The following CCDC148 variants were observed in gnomAD, a reference collection of about 807,000 sequenced individuals.
CCDC148 encodes coiled-coil domain containing 148.
Under a neutral mutation model 85.7 loss-of-function variants are expected in CCDC148, and 89 were observed. The ratio of observed to expected loss-of-function variants is 1.04; its 90% CI spans 0.87 to 1.24. CCDC148 has a LOEUF of 1.24. Among genes scored for constraint, CCDC148 ranks in the 50% most tolerant of loss-of-function variants. The pLI is 0.00. For missense variants in CCDC148, 692 were observed against 671.7 expected, an observed-to-expected ratio of 1.03 and a Z score of -0.33; for synonymous variants, 230 against 213.9, an observed-to-expected ratio of 1.08 and a Z score of -0.66.
At chr2:158,306,452 G>T (rs1184540073) in intron 9 of CCDC148, among the ~76,000 whole-genome samples, 2 of 152,046 alleles carry the variant, frequency 1.3e-5, no homozygotes, top group Non-Finnish European at 2.9e-5. Flanking sequence ...TGATAGACTG[G>T]ATTAAGAAAA....
At chr2:158,260,305 TC>T (rs1228375184) in intron 9 of CCDC148, among the ~76,000 whole-genome samples, 1 of 152,022 alleles carries the variant, frequency 6.6e-6, no homozygotes, top group African/African-American at 2.4e-5. Context: ...TCAATAAAAT[TC>T]AACATCCCTT....
intron 3 of CCDC148, 100 bp downstream of exon 3, chr2:158,345,115 T>C (rs910475769): frequency 6.7e-6 from 5 of 743,058 alleles, no homozygotes; most frequent in East Asian, 3.0e-5. Context: ...AAATTTTTAT[T>C]ATAATGGTTA....
At chr2:158,395,994 G>GT (rs145011747) in intron 1 of CCDC148, among the ~76,000 whole-genome samples, 4,804 of 152,156 alleles carry the variant, frequency 0.032, 108 homozygotes, top group African/African-American at 0.059. Context: ...TAAAGCAATT[G>GT]TTGATGGAAT....
intron 7 of CCDC148, among the ~76,000 whole-genome samples, chr2:158,317,434 C>T (rs1692332155): frequency 6.6e-6 from 1 of 152,140 alleles, no homozygotes; most frequent in African/African-American, 2.4e-5. Context: ...CCCTGCCCCA[C>T]AATATAGTAT....
At position 158,338,815 on chromosome 2, in the gene CCDC148, T is replaced by C; in HGVS notation, c.675A>G (p.Lys225=). ...TATAGAACTCACTGAGAATTGAAGA[T>C]TTCAAATCAGGGTATGGGCATTCCA... ...ESLECPYPDL[K]SSILSEFYKF... Residue 225 remains lysine, a synonymous_variant, in exon 7 of 14, where the codon AAA becomes AAG. Coordinates refer to ENST00000283233, the MANE Select transcript of CCDC148 (RefSeq NM_138803.4). The C allele has an allele frequency of 6.2e-7, 1 of 1,612,444 alleles. No individual in the cohort carries two copies.
At position 158,258,634 on chromosome 2, in the gene CCDC148, G is replaced by A. The variant is rs564902639; in HGVS notation, c.1111-7722C>T. On this transcript the variant is annotated intron_variant, in intron 9 of 13. Transcript: ENST00000283233. ...ACACTGCCTGTCCCTGACACTCCAT[G>A]TATCCAAGTTCTGTTGCCTATTACT... Among the ~76,000 whole-genome samples, 4 of 151,772 alleles carry A rather than the reference G, an allele frequency of 2.6e-5. No individual in the cohort carries two copies. The East Asian group carries it at 7.8e-4, about 30-fold the overall frequency.
chr2:158,185,863 T>A (rs1363706834), intron 11 of CCDC148, among the ~76,000 whole-genome samples: 1 of 152,052 alleles, frequency 6.6e-6, no homozygotes, highest in Non-Finnish European at 1.5e-5. Context: ...TATAGAGAAT[T>A]TAAAAATAAT....
At chr2:158,363,476 C>T (rs375968706) in intron 1 of CCDC148, among the ~76,000 whole-genome samples, 3 of 152,158 alleles carry the variant, frequency 2.0e-5, no homozygotes, top group Non-Finnish European at 2.9e-5. Flanking sequence ...ATGATCAAGT[C>T]GGCTTCATAT....
chr2:158,411,145 T>C (rs1281451352), intron 1 of CCDC148, among the ~76,000 whole-genome samples: 1 of 152,188 alleles, frequency 6.6e-6, no homozygotes, highest in Non-Finnish European at 1.5e-5. Flanking sequence ...TTTACAGTTA[T>C]AATGTGCCTC....
chr2:158,183,527 A>G (rs1353864166), intron 11 of CCDC148, among the ~76,000 whole-genome samples: 1 of 152,136 alleles, frequency 6.6e-6, no homozygotes, highest in Non-Finnish European at 1.5e-5. Flanking sequence ...AAGACTTCTG[A>G]CAAATGGTCA....
chr2:158,199,925 T>C (rs1685867482), intron 11 of CCDC148, among the ~76,000 whole-genome samples: 1 of 152,244 alleles, frequency 6.6e-6, no homozygotes, highest in African/African-American at 2.4e-5. Context: ...ATGATTTTAA[T>C]CAAATGTTCA....
intron 11 of CCDC148, among the ~76,000 whole-genome samples, chr2:158,210,278 T>C (rs543656004): frequency 4.6e-5 from 7 of 152,260 alleles, no homozygotes; most frequent in Admixed American, 2.6e-4. Context: ...TAAATATATA[T>C]GCACCCAATA....
At chr2:158,439,172 C>G (rs554140459) in intron 1 of CCDC148, among the ~76,000 whole-genome samples, 1 of 152,264 alleles carries the variant, frequency 6.6e-6, no homozygotes, top group Admixed American at 6.5e-5. Context: ...AAGACACATG[C>G]ACGTGTATGT....
intron 7 of CCDC148, among the ~76,000 whole-genome samples, chr2:158,330,546 T>C (rs1693045005): frequency 6.6e-6 from 1 of 152,210 alleles, no homozygotes; most frequent in East Asian, 1.9e-4. Context: ...GAGGATTCCC[T>C]CTTTTTCTAT....
At chr2:158,413,331 TG>T (rs1272646039) in intron 1 of CCDC148, among the ~76,000 whole-genome samples, 1 of 152,154 alleles carries the variant, frequency 6.6e-6, no homozygotes, top group Non-Finnish European at 1.5e-5. Context: ...TTATTTATAA[TG>T]GTCACTTCAG....
intron 1 of CCDC148, among the ~76,000 whole-genome samples, chr2:158,423,706 A>G (rs1392917360): frequency 6.6e-6 from 1 of 152,228 alleles, no homozygotes; most frequent in Admixed American, 6.5e-5. Context: ...ACAAGCCACA[A>G]TTGACAAATG....
At chr2:158,445,456 C>T (rs774209310) in intron 1 of CCDC148, among the ~76,000 whole-genome samples, 1 of 152,080 alleles carries the variant, frequency 6.6e-6, no homozygotes, top group Non-Finnish European at 1.5e-5. Flanking sequence ...TGATAATCAC[C>T]GTGTCTGAGA....
intron 9 of CCDC148, among the ~76,000 whole-genome samples, chr2:158,276,809 C>T (rs992277558): frequency 6.6e-6 from 1 of 152,186 alleles, no homozygotes; most frequent in Admixed American, 6.5e-5. Context: ...GAAAAGGCCA[C>T]TTAGGTCAGA....
intron 10 of CCDC148, among the ~76,000 whole-genome samples, chr2:158,243,369 C>A (rs1009737382): frequency 6.6e-6 from 1 of 152,038 alleles, no homozygotes; most frequent in African/African-American, 2.4e-5. Flanking sequence ...GGACTATTAG[C>A]CCATTTTCAC....
Sources: gnomAD v4.1 joint callset for allele counts (sites outside exome capture counted in the v4.1 genomes callset) on GRCh38, gnomAD v4.1.1 for gene constraint, MANE v1.5 for transcripts, NCBI Gene and HGNC (gene_info 2026-07-23, HGNC 2026-07-21) for gene names.